DNAH14: variants seen among roughly 807,000 people sequenced by gnomAD.
DNAH14 encodes dynein axonemal heavy chain 14.
A neutral mutation model predicts 520.9 loss-of-function variants in DNAH14; 478 were observed. The ratio of observed to expected loss-of-function variants is 0.92; its 90% confidence interval spans 0.85 to 0.99. The LOEUF is 0.99. Ranked by LOEUF, DNAH14 falls within the 50% of genes least tolerant of loss-of-function variation. The pLI is 0.00. For synonymous variants in DNAH14, 1,581 were observed against 1,757.2 expected (o/e 0.90, Z 2.51); for missense variants, 4,831 against 5,234.5 (o/e 0.92, Z 2.38).
In DNAH14 at chr1:224,974,163, G is replaced by A; in HGVS notation, c.830+10G>A. On this transcript the variant is annotated intron_variant, in intron 8 of 85. Transcript: ENST00000682510. ...AGACAGAGAAGAGCAGGTAAGTTTTGATACGCAATATATAAAAATTTCAAA... is the reference window on the plus strand; with the variant it reads ...AGACAGAGAAGAGCAGGTAAGTTTTAATACGCAATATATAAAAATTTCAAA... 6.9e-7 allele frequency: 1 copy of A among 1,450,168 alleles called. No individual in the cohort carries two copies. Among genetic ancestry groups the A allele is most frequent in the Non-Finnish European group, 9.2e-7 (1 of 1,091,370 alleles). 89.8% of individuals were successfully genotyped at this position (1,450,168 alleles called of 1,614,324 possible). A position where few individuals can be genotyped will look rare whatever the true frequency, so the allele number is the denominator to read the frequency against.
chr1:225,253,276 A>G (rs1380966004), intron 44 of DNAH14, among the ~76,000 whole-genome samples: 1 of 152,160 alleles, frequency 6.6e-6, no homozygotes, highest in Non-Finnish European at 1.5e-5. Flanking sequence ...GCTTTTTACC[A>G]CTATGTAGAA....
chr1:225,265,072 C>A, intron 47 of DNAH14, 110 bp from the exon 48 acceptor site: 3 of 805,614 alleles, frequency 3.7e-6, no homozygotes, highest in Non-Finnish European at 5.5e-6. Context: ...AAAATGACAA[C>A]AAAATAGTAA....
intron 23 of DNAH14, among the ~76,000 whole-genome samples, chr1:225,111,740 A>C (rs917753576): frequency 2.6e-5 from 4 of 151,416 alleles, no homozygotes; most frequent in African/African-American, 9.7e-5. Context: ...CTTTTTAGTA[A>C]AGGTGATTTT....
In DNAH14 at chr1:225,051,622, A is replaced by G; in HGVS notation, c.2251A>G (p.Arg751Gly). ...KEFEAILNRF[R>G]NYFRHIVNMA... ...ATTTGAAGCTATTCTAAATAGATTC[A>G]GAAACTATTTTAGACATATTGTGAA... is the stretch of plus-strand genomic sequence containing the variant. The change falls in exon 17 of 86, where the codon AGA (arginine) becomes GGA (glycine). Residue 751 changes from arginine (R) to glycine (G), a missense_variant. Arg to Gly is a moderately radical substitution (Grantham distance 125). Coordinates refer to ENST00000682510, the MANE Select transcript of DNAH14 (RefSeq NM_001367479.1). 1 of 1,550,938 alleles carries G rather than the reference A, an allele frequency of 6.4e-7. No individual in the cohort carries two copies. The highest frequency in any genetic ancestry group is 8.7e-7 in the Non-Finnish European group (1 of 1,146,478).
At chr1:225,370,137 A>C (rs903728753) in intron 77 of DNAH14, among the ~76,000 whole-genome samples, 4 of 152,122 alleles carry the variant, frequency 2.6e-5, no homozygotes, top group Admixed American at 2.6e-4. Flanking sequence ...TGAAAACAAA[A>C]ATTAGCCTGG....
rs568522128 is a variant in DNAH14 at position 225,335,164 on chromosome 1, T to C, written c.10080+1658T>C. ...GCACATGTGTACATGTGTGCATGTGTGCATGTGTACATGTGCGCATGTGTG... is the reference window on the plus strand; with the variant it reads ...GCACATGTGTACATGTGTGCATGTGCGCATGTGTACATGTGCGCATGTGTG... On this transcript the variant is annotated intron_variant, in intron 66 of 85. Transcript: ENST00000682510. 1.8e-4 allele frequency among the ~76,000 whole-genome samples: 27 copies of C among 148,850 alleles called. 1 individual carries two copies. Among genetic ancestry groups the C allele is most frequent in the East Asian group, 1.8e-3 (9 of 5,010 alleles).
intron 21 of DNAH14, among the ~76,000 whole-genome samples, chr1:225,093,186 C>A (rs941794475): frequency 6.6e-6 from 1 of 152,000 alleles, no homozygotes; most frequent in Middle Eastern, 3.4e-3. Flanking sequence ...CCTGGCAGAA[C>A]ACAATGAAGA....
chr1:225,360,864 T>C lies in DNAH14; in HGVS notation c.11960T>C (p.Met3987Thr), dbSNP rs999022542. The change falls in exon 75 of 86, where the codon ATG becomes ACG. Residue 3987 changes from methionine (M) to threonine (T), a missense_variant. Coordinates refer to ENST00000682510, the MANE Select transcript of DNAH14 (RefSeq NM_001367479.1). ...AACTGCCATCTTGCAACATCATTTA[T>C]GCCAAGGCTTTGCACAATTGTAGAA... Reference protein sequence around the residue: ...LQNCHLATSFMPRLCTIVESF... With the variant: ...LQNCHLATSFTPRLCTIVESF... 6.4e-7 allele frequency: 1 copy of C among 1,551,612 alleles called. No individual in the cohort carries two copies. The highest frequency in any genetic ancestry group is 1.4e-5 in the African/African-American group (1 of 73,062).
At chr1:225,055,842 A>G (rs1453197985) in intron 17 of DNAH14, among the ~76,000 whole-genome samples, 1 of 152,046 alleles carries the variant, frequency 6.6e-6, no homozygotes, top group African/African-American at 2.4e-5. Context: ...AGCTTCATCC[A>G]TGTCCCCACA....
At chr1:225,378,204 T>C (rs1449923056) in intron 79 of DNAH14, among the ~76,000 whole-genome samples, 1 of 152,022 alleles carries the variant, frequency 6.6e-6, no homozygotes, top group Non-Finnish European at 1.5e-5. Context: ...GTCCCTTTGG[T>C]CACTTTGAGA....
intron 22 of DNAH14, among the ~76,000 whole-genome samples, chr1:225,097,952 A>G (rs1347325855): frequency 2.0e-5 from 3 of 152,144 alleles, no homozygotes; most frequent in Admixed American, 1.3e-4. Context: ...TAATCCCAAC[A>G]CTTTGGGAGC....
At chr1:225,086,539 A>C (rs913401357) in intron 21 of DNAH14, among the ~76,000 whole-genome samples, 4 of 152,162 alleles carry the variant, frequency 2.6e-5, no homozygotes, top group African/African-American at 9.7e-5. Context: ...ATATATATAC[A>C]TGCATCTATA....
chr1:225,120,077 A>G (rs2077171799), intron 26 of DNAH14, among the ~76,000 whole-genome samples: 1 of 152,220 alleles, frequency 6.6e-6, no homozygotes, highest in Admixed American at 6.5e-5. Flanking sequence ...AGCCAGCTGT[A>G]TAGGAGACCA....
chr1:225,113,766 C>T (rs2076660102), intron 23 of DNAH14, among the ~76,000 whole-genome samples: 1 of 152,228 alleles, frequency 6.6e-6, no homozygotes, highest in Admixed American at 6.5e-5. Flanking sequence ...CTCACCACCA[C>T]AAGTCCATAG....
rs1480949066 is a variant in DNAH14, at chr1:225,252,321, G to A, written c.6769G>A (p.Glu2257Lys). The A allele has an allele frequency of 1.9e-6, 3 of 1,548,952 alleles. No individual in the cohort carries two copies. The highest frequency in any genetic ancestry group is 2.6e-6 in the Non-Finnish European group (3 of 1,145,234). The stretch of plus-strand genomic sequence containing the variant: ...TGTAGGCATCAACCTACCAACTGGT[G>A]AATGTTCCATCTTTGGATATTTTGT... The part of the protein sequence containing the change: ...SQVGINLPTG[E>K]CSIFGYFVDI... Residue 2257 changes from glutamate (E) to lysine (K), a missense_variant, in exon 44 of 86, where the codon GAA becomes AAA. Glu to Lys is a moderately conservative substitution (Grantham distance 56). Transcript: ENST00000682510.
intron 38 of DNAH14, among the ~76,000 whole-genome samples, chr1:225,198,724 T>A (rs1014135355): frequency 1.3e-5 from 2 of 152,196 alleles, no homozygotes; most frequent in Non-Finnish European, 2.9e-5. Flanking sequence ...TTTGATATGT[T>A]GTTGGATTCA....
intron 21 of DNAH14, among the ~76,000 whole-genome samples, chr1:225,096,193 G>C (rs966173159): frequency 6.6e-6 from 1 of 151,996 alleles, no homozygotes; most frequent in Admixed American, 6.6e-5. Flanking sequence ...TGTTGGCCAG[G>C]CTGGTCTCAA....
intron 55 of DNAH14, among the ~76,000 whole-genome samples, chr1:225,299,299 G>A (rs926749543): frequency 6.6e-6 from 1 of 152,072 alleles, no homozygotes; most frequent in Non-Finnish European, 1.5e-5. Context: ...AATTTCAAGG[G>A]AACATTGTTT....
Position 225,275,998 on chromosome 1 carries a change from A to G in DNAH14, c.8095A>G (p.Ile2699Val). 1 of 418,032 alleles carries G rather than the reference A, an allele frequency of 2.4e-6. No individual in the cohort carries two copies. Among genetic ancestry groups the G allele is most frequent in the Non-Finnish European group, 4.8e-6 (1 of 208,760 alleles). The allele number at this position is 418,032 out of a possible 1,614,324, so 25.9% of individuals were successfully genotyped here. Residue 2699 changes from isoleucine (I) to valine (V), a missense_variant, in exon 53 of 86, where the codon ATT becomes GTT. By Grantham distance (29) the Ile-to-Val change is conservative. Coordinates refer to ENST00000682510, the MANE Select transcript of DNAH14 (RefSeq NM_001367479.1). ...TATAAACAAGACTCATAGAAAAAAG[A>G]TTTATCAGAATACCAGTGACTATAA... ...LDINKTHRKK[I>V]YQNTSDYNKL... is the part of the protein sequence containing the mutation.
Sources: allele counts gnomAD v4.1 joint callset (sites outside exome capture counted in the v4.1 genomes callset), GRCh38; gene constraint gnomAD v4.1.1; transcripts MANE v1.5; gene names NCBI Gene and HGNC (gene_info 2026-07-23, HGNC 2026-07-21).